The following SMAD2 variants were observed in gnomAD, a reference collection of about 807,000 sequenced individuals.
SMAD2 encodes the protein MAD homolog 2.
A neutral mutation model predicts 64.4 loss-of-function variants in SMAD2; 8 were observed. The ratio of observed to expected loss-of-function variants is 0.12; its 90% CI spans 0.07 to 0.22. The LOEUF (loss-of-function observed/expected upper bound fraction) is 0.22. Ranked by LOEUF, SMAD2 falls within the 10% of genes least tolerant of loss-of-function variation. SMAD2 has a pLI of 1.00. For missense variants in SMAD2, 289 were observed against 561.2 expected (o/e 0.51, Z 4.90); for synonymous variants, 203 against 195.8 (o/e 1.04, Z -0.31).
chr18:47,871,588 G>A (rs946187579), intron 2 of SMAD2, among the ~76,000 whole-genome samples: 1 of 151,994 alleles, frequency 6.6e-6, no homozygotes, highest in African/African-American at 2.4e-5. Context: ...CCTGCTTTGG[G>A]GGCTACAGTG....
intron 2 of SMAD2, among the ~76,000 whole-genome samples, chr18:47,875,168 T>G (rs2032195265): frequency 6.6e-6 from 1 of 152,156 alleles, no homozygotes; most frequent in African/African-American, 2.4e-5. Context: ...TAACTGCCCC[T>G]TCCTAGCCAC....
chr18:47,860,433 G>T (rs1287966123), intron 6 of SMAD2, among the ~76,000 whole-genome samples: 1 of 150,852 alleles, frequency 6.6e-6, no homozygotes, highest in East Asian at 2.0e-4. Context: ...CACTACCCCT[G>T]GCTAATTTAA....
chr18:47,883,595 C>T (rs2144426267), intron 2 of SMAD2, among the ~76,000 whole-genome samples: 1 of 152,196 alleles, frequency 6.6e-6, no homozygotes, highest in South Asian at 2.1e-4. Context: ...GTGATTCTGT[C>T]CCATTAATTC....
At chr18:47,892,036 C>CTT (rs942309321) in intron 2 of SMAD2, among the ~76,000 whole-genome samples, 25 of 152,208 alleles carry the variant, frequency 1.6e-4, no homozygotes, top group Admixed American at 3.3e-4. Context: ...TAAGAAAACT[C>CTT]TTATTTCTAA....
intron 1 of SMAD2, among the ~76,000 whole-genome samples, chr18:47,930,056 G>A (rs1186644768): frequency 2.0e-5 from 3 of 152,026 alleles, no homozygotes; most frequent in Non-Finnish European, 4.4e-5. Flanking sequence ...CCTGAAACAA[G>A]AGCTCTGGCC....
chr18:47,902,265 C>T (rs1036510592), intron 1 of SMAD2, among the ~76,000 whole-genome samples: 1 of 152,114 alleles, frequency 6.6e-6, no homozygotes, highest in Non-Finnish European at 1.5e-5. Context: ...ATTTTGCTTT[C>T]TTTAATCATT....
intron 6 of SMAD2, among the ~76,000 whole-genome samples, chr18:47,860,685 A>C (rs2031106843): frequency 7.0e-6 from 1 of 142,582 alleles, no homozygotes; most frequent in Non-Finnish European, 1.5e-5. Flanking sequence ...AAAACTAATA[A>C]ACACATTACA....
At chr18:47,887,125 C>CTA (rs1194241789) in intron 2 of SMAD2, among the ~76,000 whole-genome samples, 1 of 152,198 alleles carries the variant, frequency 6.6e-6, no homozygotes, top group Non-Finnish European at 1.5e-5. Flanking sequence ...CCACTCTAGT[C>CTA]ATTGCTCTCC....
chr18:47,857,017 C>T (rs1334118237), intron 6 of SMAD2, among the ~76,000 whole-genome samples: 1 of 151,780 alleles, frequency 6.6e-6, no homozygotes, highest in Non-Finnish European at 1.5e-5. Flanking sequence ...GCCACTACGC[C>T]CGGCTAATTT....
Position 47,928,672 on chromosome 18 carries a change from A to T in SMAD2, c.-54+1689T>A, listed in dbSNP as rs564844504. On this transcript the variant is annotated intron_variant, in intron 1 of 10. Coordinates refer to ENST00000262160, the MANE Select transcript of SMAD2 (RefSeq NM_005901.6). The stretch of plus-strand genomic sequence containing the variant: ...CTGTGTAGAGACATGACCACTTATG[A>T]CTAAGTAAACGTAGGTTACAACCTT... 2.6e-5 allele frequency among the ~76,000 whole-genome samples: 4 copies of T among 152,356 alleles called. No individual in the cohort carries two copies. The East Asian group carries it at 7.7e-4, about 29-fold the overall frequency.
rs775133924 is a variant in SMAD2, at chr18:47,841,830, T to G, written c.1401A>C (p.Ser467=). The change falls in exon 11 of 11, where the codon TCA becomes TCC. Residue 467 remains serine (S), a synonymous_variant. Transcript: ENST00000262160. ...ATGGGACTTGATTGGTGAAGCTTTA[T>G]GACATGCTTGAGCAACGCACTGAAG... ...GSPSVRCSSM[S] 3 of 1,614,192 alleles carry G rather than the reference T, an allele frequency of 1.9e-6. No homozygotes were observed. Among genetic ancestry groups the G allele is most frequent in the East Asian group, 2.2e-5 (1 of 44,868 alleles).
chr18:47,827,370 T>C lies in SMAD2; in HGVS notation c.*14457A>G, dbSNP rs1159639775. The C allele has an allele frequency of 1.3e-5, 2 of 152,200 alleles. No individual in the cohort carries two copies. The highest frequency in any genetic ancestry group is 2.4e-5 in the African/African-American group (1 of 41,448). The allele number at this position is 152,200 out of a possible 1,614,324, so 9.4% of individuals were successfully genotyped here. ...ATCTTAAAAAAAAATTTATGCTCAA[T>C]ACCTCTCTCCAGCCAATCACTATGT... On this transcript the variant is annotated 3_prime_UTR_variant, in exon 11 of 11. Coordinates refer to ENST00000262160, the MANE Select transcript of SMAD2 (RefSeq NM_005901.6).
chr18:47,886,570 CATCTATCTATCT>C (rs5824712), intron 2 of SMAD2, among the ~76,000 whole-genome samples: 2,417 of 146,792 alleles, frequency 0.016, 24 homozygotes, highest in African/African-American at 0.02. Context: ...TATATCTATC[CATCTATCTATCT>C]ATCTATCTAT....
At chr18:47,875,042 A>G (rs1032721673) in intron 2 of SMAD2, among the ~76,000 whole-genome samples, 4 of 152,144 alleles carry the variant, frequency 2.6e-5, no homozygotes, top group South Asian at 2.1e-4. Flanking sequence ...GGGCATTACT[A>G]TAAGAGACAA....
intron 1 of SMAD2, among the ~76,000 whole-genome samples, chr18:47,928,776 C>T (rs1334617081): frequency 1.3e-5 from 2 of 152,162 alleles, no homozygotes; most frequent in Non-Finnish European, 2.9e-5. Context: ...AAAAACCAAG[C>T]TCTAAGAGCA....
intron 1 of SMAD2, chr18:47,922,421 C>T (rs1313574389): frequency 2.6e-5 from 4 of 152,170 alleles, no homozygotes; most frequent in African/African-American, 9.7e-5. Flanking sequence ...TGAACATGTA[C>T]AGACTTTTTT....
intron 2 of SMAD2, among the ~76,000 whole-genome samples, chr18:47,880,053 T>C (rs537652961): frequency 1.8e-4 from 28 of 152,368 alleles, no homozygotes; most frequent in African/African-American, 5.8e-4. Context: ...GAAATCTTTA[T>C]AAATTCTAGA....
chr18:47,855,580 G>A (rs2030601089), intron 6 of SMAD2, among the ~76,000 whole-genome samples: 1 of 152,040 alleles, frequency 6.6e-6, no homozygotes, highest in African/African-American at 2.4e-5. Flanking sequence ...CTTCATTTCT[G>A]AAGGACAGCT....
chr18:47,871,590 G>A (rs1221020814), intron 2 of SMAD2, among the ~76,000 whole-genome samples: 3 of 152,090 alleles, frequency 2.0e-5, no homozygotes, highest in Admixed American at 2.0e-4. Context: ...TGCTTTGGGG[G>A]CTACAGTGAC....
Sources: allele counts gnomAD v4.1 joint callset (sites outside exome capture counted in the v4.1 genomes callset), GRCh38; gene constraint gnomAD v4.1.1; transcripts MANE v1.5; gene names NCBI Gene and HGNC (gene_info 2026-07-23, HGNC 2026-07-21).